Variants in SAFB observed in about 807,000 individuals in gnomAD.
SAFB encodes scaffold attachment factor B.
A neutral mutation model predicts 101.6 loss-of-function variants in SAFB; 15 were observed. That is an observed-to-expected ratio of 0.15 (90% CI 0.10 to 0.23). SAFB has a LOEUF of 0.23. Ranked by LOEUF, SAFB falls within the 10% of genes least tolerant of loss-of-function variation. The probability of loss-of-function intolerance (pLI) is 1.00; values close to 1 mark genes in which losing one functional copy is unlikely to be tolerated. For synonymous variants in SAFB, 449 were observed against 407.5 expected, an observed-to-expected ratio of 1.10 and a Z score of -1.23; for missense variants, 930 against 1,104.1, an observed-to-expected ratio of 0.84 and a Z score of 2.23.
chr19:5,652,961 A>G (rs529608443), intron 9 of SAFB, among the ~76,000 whole-genome samples, 154 bp from the exon 10 acceptor site: 5 of 152,300 alleles, frequency 3.3e-5, no homozygotes, highest in Admixed American at 3.3e-4. Context: ...CCTTGGAGGA[A>G]CAACAGCGAA....
At chr19:5,654,616 C>T (rs2054013315) in intron 13 of SAFB, among the ~76,000 whole-genome samples, 160 bp downstream of exon 13, 1 of 152,192 alleles carries the variant, frequency 6.6e-6, no homozygotes, top group African/African-American at 2.4e-5. Flanking sequence ...CAGGTTCTCA[C>T]TCTGTTGCCC....
chr19:5,646,132 T>G (rs547157413), intron 5 of SAFB, among the ~76,000 whole-genome samples: 11 of 152,198 alleles, frequency 7.2e-5, no homozygotes, highest in Non-Finnish European at 1.0e-4. Flanking sequence ...GAACTTTTTG[T>G]GGAGAAATGA....
At chr19:5,634,577 G>A (rs896087819) in intron 2 of SAFB, among the ~76,000 whole-genome samples, 1 of 152,060 alleles carries the variant, frequency 6.6e-6, no homozygotes, top group Non-Finnish European at 1.5e-5. Flanking sequence ...TTAACTCTCT[G>A]TTAAGAAAGG....
chr19:5,626,576 G>C lies in SAFB; in HGVS notation c.274+87G>C. 1.6e-5 allele frequency: 13 copies of C among 802,882 alleles called. No individual in the cohort carries two copies. The South Asian group carries it at 2.0e-4, about 12-fold the overall frequency. 49.7% of individuals were successfully genotyped at this position (802,882 alleles called of 1,614,324 possible). A position where few individuals can be genotyped will look rare whatever the true frequency, so the allele number is the denominator to read the frequency against. On this transcript the variant is annotated intron_variant, in intron 2 of 20. Transcript: ENST00000588852. The stretch of plus-strand genomic sequence containing the variant: ...TAATGTGCCTCGTTTACTTGTCTGT[G>C]TGTTGGACTTGTGAACCACTCTGAA...
chr19:5,660,424 T>G (rs1350987202), intron 14 of SAFB, among the ~76,000 whole-genome samples: 4 of 145,272 alleles, frequency 2.8e-5, no homozygotes, highest in Middle Eastern at 3.6e-3. Flanking sequence ...GCAATCATAG[T>G]TCACTGCAGC....
chr19:5,665,777 T>C (rs1034015315), intron 17 of SAFB: 1 of 152,220 alleles, frequency 6.6e-6, no homozygotes, highest in Non-Finnish European at 1.5e-5. Flanking sequence ...CAGAGAAAAC[T>C]AGCACAGAAC....
chr19:5,631,689 G>A (rs1266353938), intron 2 of SAFB, among the ~76,000 whole-genome samples: 1 of 152,032 alleles, frequency 6.6e-6, no homozygotes, highest in Admixed American at 6.5e-5. Flanking sequence ...TTTAAAAACT[G>A]CTTATACAGC....
intron 14 of SAFB, among the ~76,000 whole-genome samples, chr19:5,659,718 C>T (rs943285831): frequency 2.6e-5 from 4 of 152,098 alleles, no homozygotes; most frequent in African/African-American, 9.6e-5. Flanking sequence ...AACAAAGTCT[C>T]CCATAGTCCT....
intron 2 of SAFB, among the ~76,000 whole-genome samples, chr19:5,632,741 GT>G: frequency 6.6e-6 from 1 of 152,150 alleles, no homozygotes; most frequent in African/African-American, 2.4e-5. Context: ...CCTGTTTTTT[GT>G]TTTGTTTTGG....
In SAFB at chr19:5,654,161, A is replaced by G. The variant is rs771348037; in HGVS notation, c.1627A>G (p.Lys543Glu). 1 of 1,614,228 alleles carries G rather than the reference A, an allele frequency of 6.2e-7. No homozygotes were observed. The highest frequency in any genetic ancestry group is 1.1e-5 in the South Asian group (1 of 91,086). The change falls in exon 12 of 21, where the codon AAA (lysine) becomes GAA (glutamate). Residue 543 changes from lysine to glutamate, a missense_variant. Physicochemically the swap from Lys to Glu is moderately conservative, Grantham distance 56. Transcript: ENST00000588852. ...GEKSKDQDDQKPGPSERSRAT... is the reference protein window; with the variant it reads ...GEKSKDQDDQEPGPSERSRAT... ...AAAGAGTAAGGACCAAGATGATCAGAAACCTGGCCCCTCAGAGCGATCTCG... is the reference window on the plus strand; with the variant it reads ...AAAGAGTAAGGACCAAGATGATCAGGAACCTGGCCCCTCAGAGCGATCTCG...
rs2053222957 is a variant in SAFB at position 5,623,164 on chromosome 19, C to G, written c.-42C>G. The stretch of plus-strand genomic sequence containing the variant: ...GTGCTAGGAGCCTGATAAAACCGGC[C>G]CGGTTCTGTGGAAAGTGGGCGGCGG... On this transcript the variant is annotated 5_prime_UTR_variant, in exon 1 of 21. Transcript: ENST00000588852. 6.5e-7 allele frequency: 1 copy of G among 1,545,496 alleles called. No individual in the cohort carries two copies. The highest frequency in any genetic ancestry group is 1.4e-5 in the African/African-American group (1 of 72,804).
At chr19:5,656,141 C>T (rs752860772) in intron 13 of SAFB, among the ~76,000 whole-genome samples, 38 of 152,138 alleles carry the variant, frequency 2.5e-4, no homozygotes, top group Non-Finnish European at 5.3e-4. Flanking sequence ...CTGTTTTTCA[C>T]TAAAAGTTAT....
intron 1 of SAFB, among the ~76,000 whole-genome samples, chr19:5,624,409 C>T (rs560357908): frequency 3.3e-5 from 5 of 152,214 alleles, no homozygotes; most frequent in South Asian, 4.2e-4. Flanking sequence ...AGATCGGGGG[C>T]TCTAACGCCT....
intron 17 of SAFB, chr19:5,665,429 C>T (rs549226645): frequency 3.3e-5 from 5 of 152,166 alleles, no homozygotes; most frequent in Admixed American, 3.3e-4. Flanking sequence ...ATTCCTCCTA[C>T]AAAGGGTGCG....
intron 1 of SAFB, among the ~76,000 whole-genome samples, chr19:5,626,089 T>C (rs926020172): frequency 5.3e-5 from 8 of 152,196 alleles, no homozygotes; most frequent in Non-Finnish European, 1.2e-4. Flanking sequence ...TTCCTTTTCA[T>C]GGCTAGTAGA....
intron 2 of SAFB, among the ~76,000 whole-genome samples, chr19:5,640,763 G>C (rs1191268262): frequency 1.3e-5 from 2 of 151,838 alleles, no homozygotes; most frequent in Non-Finnish European, 2.9e-5. Context: ...CTAGTTTTTT[G>C]TATTTTTAGT....
At chr19:5,659,672 C>T (rs1286896129) in intron 14 of SAFB, among the ~76,000 whole-genome samples, 2 of 151,520 alleles carry the variant, frequency 1.3e-5, no homozygotes, top group Non-Finnish European at 2.9e-5. Context: ...TGAGCCACTG[C>T]GCCCAGCCTA....
intron 2 of SAFB, among the ~76,000 whole-genome samples, chr19:5,632,904 A>G (rs761257304): frequency 6.6e-6 from 1 of 152,172 alleles, no homozygotes; most frequent in African/African-American, 2.4e-5. Flanking sequence ...CGCCCAGCCT[A>G]TATTGTCATC....
chr19:5,654,000 C>G (rs2053998416), intron 11 of SAFB, 61 bp from the exon 12 acceptor site: 3 of 1,554,142 alleles, frequency 1.9e-6, no homozygotes, highest in Non-Finnish European at 2.6e-6. Context: ...CTCATCCCCC[C>G]AAAGTGCTGG....
Sources: gnomAD v4.1 joint callset for allele counts (sites outside exome capture counted in the v4.1 genomes callset) on GRCh38, gnomAD v4.1.1 for gene constraint, MANE v1.5 for transcripts, NCBI Gene and HGNC (gene_info 2026-07-23, HGNC 2026-07-21) for gene names.